HSD17B4: variants seen among roughly 807,000 people sequenced by gnomAD.
HSD17B4 encodes peroxisomal multifunctional enzyme type 2.
In HSD17B4, 70 loss-of-function variants were observed where a neutral mutation model predicts 101.0. That is an observed-to-expected ratio of 0.69 (90% CI 0.57 to 0.85). The LOEUF (loss-of-function observed/expected upper bound fraction) is 0.85. HSD17B4 is among the 40% of genes least tolerant of loss of function. The pLI, the probability that HSD17B4 is intolerant of heterozygous loss-of-function variation, is 0.00. For synonymous variants in HSD17B4, 347 were observed against 297.1 expected (o/e 1.17, Z -1.73); for missense variants, 984 against 892.4 (o/e 1.10, Z -1.31).
intron 17 of HSD17B4, among the ~76,000 whole-genome samples, chr5:119,517,433 C>G (rs28863779): frequency 0.055 from 8,394 of 152,290 alleles, 628 homozygotes; most frequent in African/African-American, 0.17. Flanking sequence ...CTGAGGAGTG[C>G]CACCCCCTGC....
chr5:119,533,019 G>T (rs1296063175), intron 22 of HSD17B4, among the ~76,000 whole-genome samples: 1 of 152,036 alleles, frequency 6.6e-6, no homozygotes, highest in East Asian at 1.9e-4. Context: ...TTGTAATATG[G>T]AATACATGTT....
intron 2 of HSD17B4, among the ~76,000 whole-genome samples, chr5:119,469,939 G>A (rs753018582): frequency 3.9e-5 from 6 of 152,158 alleles, no homozygotes; most frequent in Non-Finnish European, 7.4e-5. Context: ...GGGATTGCCA[G>A]ATGGGTTAGT....
At chr5:119,495,953 T>C (rs1177316987) in intron 11 of HSD17B4, 1 of 157,408 alleles carries the variant, frequency 6.4e-6, no homozygotes, top group Non-Finnish European at 1.4e-5. Context: ...GAATATCTTA[T>C]GGAGATGTGG....
chr5:119,529,846 C>A, intron 20 of HSD17B4, 48 bp from the exon 21 acceptor site: 1 of 1,079,492 alleles, frequency 9.3e-7, no homozygotes, highest in Admixed American at 1.7e-5. Context: ...TGAAATTACA[C>A]TTCCATTGTA....
At chr5:119,466,546 A>T (rs984696458) in intron 2 of HSD17B4, among the ~76,000 whole-genome samples, 1 of 152,100 alleles carries the variant, frequency 6.6e-6, no homozygotes, top group African/African-American at 2.4e-5. Context: ...GTAGTAGGTC[A>T]TATGTCTATG....
At chr5:119,513,243 G>T (rs73790878) in intron 16 of HSD17B4, among the ~76,000 whole-genome samples, 1 of 152,148 alleles carries the variant, frequency 6.6e-6, no homozygotes, top group African/African-American at 2.4e-5. Context: ...GCTTGGAAAT[G>T]TTATATTCAC....
chr5:119,452,833 T>C, intron 1 of HSD17B4, 200 bp downstream of exon 1: 1 of 1,535,854 alleles, frequency 6.5e-7, no homozygotes, highest in Non-Finnish European at 8.7e-7. Flanking sequence ...TACAGCCCGC[T>C]TCTCCCCAGC....
intron 22 of HSD17B4, 91 bp downstream of exon 22, chr5:119,531,495 A>ACCTACCTTC: frequency 7.7e-7 from 1 of 1,304,568 alleles, no homozygotes; most frequent in Non-Finnish European, 1.1e-6. Context: ...GAAGGTAGGT[A>ACCTACCTTC]AATCTTACCT....
At chr5:119,453,392 T>C (rs1401276916) in intron 1 of HSD17B4, among the ~76,000 whole-genome samples, 1 of 152,076 alleles carries the variant, frequency 6.6e-6, no homozygotes, top group Non-Finnish European at 1.5e-5. Context: ...AAATGGAAAA[T>C]TGTTATGTGA....
chr5:119,467,765 T>C (rs9885031), intron 2 of HSD17B4, among the ~76,000 whole-genome samples: 1,730 of 152,326 alleles, frequency 0.011, 13 homozygotes, highest in African/African-American at 0.02. Flanking sequence ...CAGGGCCAAC[T>C]TCAGGACTTG....
intron 2 of HSD17B4, among the ~76,000 whole-genome samples, chr5:119,457,436 T>C (rs572476643): frequency 5.3e-5 from 8 of 152,236 alleles, no homozygotes; most frequent in Non-Finnish European, 1.2e-4. Context: ...TCTCCTTCAT[T>C]GTGGATGTGT....
intron 2 of HSD17B4, among the ~76,000 whole-genome samples, chr5:119,458,896 A>C (rs1419350035): frequency 6.6e-6 from 1 of 152,234 alleles, no homozygotes; most frequent in African/African-American, 2.4e-5. Flanking sequence ...TAGGTGAGCT[A>C]TATCTAGTTC....
chr5:119,494,065 A>G (rs1194497739), intron 11 of HSD17B4, 119 bp downstream of exon 11: 2 of 1,003,592 alleles, frequency 2.0e-6, no homozygotes, highest in Admixed American at 3.7e-5. Context: ...AATCGTCTAT[A>G]GCATATTTTC....
chr5:119,510,195 G>A (rs1029918591), intron 16 of HSD17B4, among the ~76,000 whole-genome samples: 3 of 152,164 alleles, frequency 2.0e-5, no homozygotes, highest in Non-Finnish European at 2.9e-5. Context: ...GCTGAGTTAA[G>A]TATAATGTAT....
At chr5:119,487,621 A>AT (rs985294731) in intron 8 of HSD17B4, among the ~76,000 whole-genome samples, 1 of 152,012 alleles carries the variant, frequency 6.6e-6, no homozygotes, top group African/African-American at 2.4e-5. Context: ...AGGCAGACGT[A>AT]TTTTTTTGTA....
rs189986842 is a variant in HSD17B4 at position 119,536,368 on chromosome 5, C to G, written c.1994-55C>G. ...CTGCATTTTACTTGGTTTATTTTACCCTCATTTTGTTGGAGAGAAAAAGAT... is the reference window on the plus strand; with the variant it reads ...CTGCATTTTACTTGGTTTATTTTACGCTCATTTTGTTGGAGAGAAAAAGAT... On this transcript the variant is annotated intron_variant, in intron 22 of 23. Transcript: ENST00000510025. 126 of 1,531,214 alleles carry G rather than the reference C, an allele frequency of 8.2e-5. 2 individuals are homozygous for G. The African/African-American group carries it at 1.4e-3, about 17-fold the overall frequency. 94.9% of individuals were successfully genotyped at this position (1,531,214 alleles called of 1,614,324 possible). A position where few individuals can be genotyped will look rare whatever the true frequency, so the allele number is the denominator to read the frequency against.
chr5:119,533,651 A>G (rs974553308), intron 22 of HSD17B4, among the ~76,000 whole-genome samples: 1 of 152,070 alleles, frequency 6.6e-6, no homozygotes, highest in Non-Finnish European at 1.5e-5. Context: ...ACTGTAGCCA[A>G]CCAAGATCTG....
chr5:119,473,414 G>T (rs1353639111), intron 2 of HSD17B4, among the ~76,000 whole-genome samples: 2 of 148,290 alleles, frequency 1.3e-5, no homozygotes, highest in African/African-American at 2.5e-5. Flanking sequence ...GATTTCCCAG[G>T]TTCAAGCAAT....
At chr5:119,475,387 A>G (rs749579412) in intron 4 of HSD17B4, among the ~76,000 whole-genome samples, 3 of 152,124 alleles carry the variant, frequency 2.0e-5, no homozygotes, top group Non-Finnish European at 4.4e-5. Flanking sequence ...AGAATGGCTT[A>G]TGGTTCTGAT....
Sources: gnomAD v4.1 joint callset for allele counts (sites outside exome capture counted in the v4.1 genomes callset) on GRCh38, gnomAD v4.1.1 for gene constraint, MANE v1.5 for transcripts, NCBI Gene and HGNC (gene_info 2026-07-23, HGNC 2026-07-21) for gene names.